The following PTPRM variants were observed in gnomAD, a reference collection of about 807,000 sequenced individuals.
PTPRM encodes protein tyrosine phosphatase receptor type M, also known as receptor-type tyrosine-protein phosphatase mu.
A neutral mutation model predicts 186.7 loss-of-function variants in PTPRM; 47 were observed. That is an observed-to-expected ratio of 0.25 (90% CI 0.20 to 0.32). PTPRM has a LOEUF of 0.32. Among genes scored for constraint, PTPRM ranks in the 10% least tolerant of loss-of-function variants. The probability of loss-of-function intolerance (pLI) is 1.00; values close to 1 mark genes in which losing one functional copy is unlikely to be tolerated. For synonymous variants in PTPRM, 668 were observed against 674.9 expected (o/e 0.99, Z 0.16); for missense variants, 1,494 against 1,865.0 (o/e 0.80, Z 3.66).
chr18:7,912,712 C>T (rs960346099), intron 4 of PTPRM, among the ~76,000 whole-genome samples: 1 of 150,526 alleles, frequency 6.6e-6, no homozygotes, highest in Non-Finnish European at 1.5e-5. Flanking sequence ...GTAGAGATGG[C>T]GTTTCACAGT....
chr18:7,881,636 A>C (rs2048514923), intron 2 of PTPRM, among the ~76,000 whole-genome samples: 1 of 152,112 alleles, frequency 6.6e-6, no homozygotes, highest in Admixed American at 6.6e-5. Flanking sequence ...CATTGTTGTG[A>C]GGATTTAATT....
intron 7 of PTPRM, among the ~76,000 whole-genome samples, chr18:7,960,056 T>A (rs2053561281): frequency 6.6e-6 from 1 of 152,176 alleles, no homozygotes; most frequent in African/African-American, 2.4e-5. Context: ...AAATGGGTGA[T>A]GTTGTTAGAT....
At chr18:8,400,499 G>T (rs4798637) in intron 32 of PTPRM, among the ~76,000 whole-genome samples, 1 of 152,076 alleles carries the variant, frequency 6.6e-6, no homozygotes, top group East Asian at 1.9e-4. Context: ...TGGAGCCCCC[G>T]CCAGGTAGGA....
chr18:7,597,173 G>A (rs1039064232), intron 1 of PTPRM, among the ~76,000 whole-genome samples: 4 of 152,150 alleles, frequency 2.6e-5, no homozygotes, highest in South Asian at 2.1e-4. Context: ...AATTCATAGC[G>A]TTTTTGTACC....
At chr18:8,390,340 G>A (rs1379733841) in intron 31 of PTPRM, among the ~76,000 whole-genome samples, 2 of 152,212 alleles carry the variant, frequency 1.3e-5, no homozygotes, top group Admixed American at 1.3e-4. Flanking sequence ...AGAAAACATA[G>A]GAGAATATCT....
intron 24 of PTPRM, among the ~76,000 whole-genome samples, chr18:8,374,515 C>T (rs538423420): frequency 1.3e-5 from 2 of 152,204 alleles, no homozygotes; most frequent in Non-Finnish European, 2.9e-5. Flanking sequence ...GAGGGTGACA[C>T]AGCCTCAGCT....
rs141283384 is a variant in PTPRM at position 7,714,440 on chromosome 18, A to G, written c.74-59709A>G. Among the ~76,000 whole-genome samples, 454 of 152,332 alleles carry G rather than the reference A, an allele frequency of 3.0e-3. 1 individual carries two copies. Among genetic ancestry groups the G allele is most frequent in the Middle Eastern group, 0.017 (5 of 294 alleles). On this transcript the variant is annotated intron_variant, in intron 1 of 32. Coordinates refer to ENST00000580170, the MANE Select transcript of PTPRM (RefSeq NM_001105244.2). ...GGAAAGATCTAAAATTGGCATCCTA[A>G]CATCACAATTAAAAGAACTAGAGAA...
intron 14 of PTPRM, among the ~76,000 whole-genome samples, chr18:8,171,312 G>A (rs1288780707): frequency 6.6e-6 from 1 of 152,210 alleles, no homozygotes. Context: ...GGGCTGTGTG[G>A]CATGCTACAG....
intron 21 of PTPRM, among the ~76,000 whole-genome samples, chr18:8,317,281 A>G (rs927119184): frequency 5.9e-5 from 9 of 152,054 alleles, no homozygotes; most frequent in African/African-American, 7.2e-5. Flanking sequence ...CAGATTGGCT[A>G]CGGGGTTCAG....
At chr18:7,783,926 G>A (rs1479256522) in intron 2 of PTPRM, among the ~76,000 whole-genome samples, 4 of 151,964 alleles carry the variant, frequency 2.6e-5, no homozygotes, top group Admixed American at 6.6e-5. Flanking sequence ...CTCTTTACTG[G>A]GGTGGATCCA....
intron 7 of PTPRM, among the ~76,000 whole-genome samples, chr18:8,005,997 T>C (rs190008456): frequency 4.1e-5 from 6 of 147,644 alleles, no homozygotes; most frequent in Admixed American, 2.7e-4. Context: ...TATTTGGCAT[T>C]ACAGTGACGT....
intron 1 of PTPRM, among the ~76,000 whole-genome samples, chr18:7,688,109 C>T (rs373601546): frequency 2.1e-3 from 325 of 152,214 alleles, no homozygotes; most frequent in African/African-American, 6.3e-3. Flanking sequence ...ATTCTCTAGT[C>T]GTGCCTTCAT....
chr18:8,381,394 G>A (rs534816572), intron 29 of PTPRM, among the ~76,000 whole-genome samples: 4 of 149,672 alleles, frequency 2.7e-5, no homozygotes, highest in South Asian at 4.2e-4. Context: ...GAAGCATTTC[G>A]GCATCCCAAC....
intron 1 of PTPRM, among the ~76,000 whole-genome samples, chr18:7,690,012 T>A (rs547657308): frequency 2.0e-5 from 3 of 152,328 alleles, no homozygotes; most frequent in Non-Finnish European, 1.5e-5. Context: ...TTTGTTTTTT[T>A]AAAAAGTATC....
chr18:8,216,269 C>T (rs2094084544), intron 14 of PTPRM, among the ~76,000 whole-genome samples: 1 of 152,030 alleles, frequency 6.6e-6, no homozygotes, highest in South Asian at 2.1e-4. Context: ...TGGAATTGTC[C>T]CAATGACTTC....
chr18:8,379,078 C>A, intron 27 of PTPRM, 89 bp from the exon 28 acceptor site: 1 of 1,120,614 alleles, frequency 8.9e-7, no homozygotes, highest in Non-Finnish European at 1.2e-6. Context: ...CAGTCAGCCA[C>A]AGGAAGTTTG....
intron 1 of PTPRM, among the ~76,000 whole-genome samples, chr18:7,692,477 C>T (rs947638327): frequency 8.5e-5 from 13 of 152,170 alleles, no homozygotes; most frequent in African/African-American, 3.1e-4. Flanking sequence ...TGAAACCTTT[C>T]TTAAAAAACT....
intron 1 of PTPRM, among the ~76,000 whole-genome samples, chr18:7,723,572 T>C (rs948668253): frequency 1.3e-5 from 2 of 152,148 alleles, no homozygotes; most frequent in Non-Finnish European, 2.9e-5. Flanking sequence ...TCTGCATCTT[T>C]CCATGTTCCA....
chr18:7,852,723 G>T (rs1415553710), intron 2 of PTPRM, among the ~76,000 whole-genome samples: 1 of 151,962 alleles, frequency 6.6e-6, no homozygotes, highest in Non-Finnish European at 1.5e-5. Context: ...GTGGATGGTG[G>T]CATGCACTTG....
Sources: allele counts gnomAD v4.1 joint callset (sites outside exome capture counted in the v4.1 genomes callset), GRCh38; gene constraint gnomAD v4.1.1; transcripts MANE v1.5; gene names NCBI Gene and HGNC (gene_info 2026-07-23, HGNC 2026-07-21).